The following TKT variants were observed in gnomAD, a reference collection of about 807,000 sequenced individuals.
The protein encoded by TKT is epididymis luminal protein 107.
In TKT, 47 loss-of-function variants were observed where a neutral mutation model predicts 63.9. That is an observed-to-expected ratio of 0.74 (90% CI 0.58 to 0.94). The LOEUF (loss-of-function observed/expected upper bound fraction) is 0.94, where lower values mean the gene tolerates loss of function less well. TKT is among the 40% of genes least tolerant of loss of function. The probability of loss-of-function intolerance (pLI) is 0.00; values close to 1 mark genes in which losing one functional copy is unlikely to be tolerated. For missense variants in TKT, 721 were observed against 846.2 expected, an observed-to-expected ratio of 0.85 and a Z score of 1.84; for synonymous variants, 338 against 334.1, an observed-to-expected ratio of 1.01 and a Z score of -0.13.
In TKT at chr3:53,253,081, A is replaced by C. The variant is rs534200111; in HGVS notation, c.107+2755T>G. Among the ~76,000 whole-genome samples the C allele has an allele frequency of 5.3e-5, 8 of 152,082 alleles. No homozygotes were observed. The South Asian group carries it at 1.7e-3, about 32-fold the overall frequency. The stretch of plus-strand genomic sequence containing the variant: ...GTCTCGATCTCCTGACCTTCAGGTG[A>C]TCCACTCGCCTACACCTCCCAAAGT... On this transcript the variant is annotated intron_variant, in intron 1 of 13. Transcript: ENST00000462138.
intron 2 of TKT, chr3:53,241,918 G>A (rs999668828): frequency 1.2e-5 from 7 of 577,352 alleles, no homozygotes; most frequent in Non-Finnish European, 2.2e-5. Flanking sequence ...CCATGGCAGA[G>A]CAACCCATCA....
intron 10 of TKT, chr3:53,228,761 C>T: frequency 3.4e-6 from 2 of 587,792 alleles, no homozygotes; most frequent in Non-Finnish European, 5.9e-6. Context: ...AACCGCTGGA[C>T]CGGCCAGGGC....
At chr3:53,244,223 C>G (rs528509656) in intron 1 of TKT, among the ~76,000 whole-genome samples, 44 of 152,360 alleles carry the variant, frequency 2.9e-4, no homozygotes, top group African/African-American at 7.2e-4. Context: ...ACCAAGTAAA[C>G]ACGCACAAAA....
chr3:53,240,178 T>G, intron 4 of TKT, 73 bp downstream of exon 4: 2 of 1,416,288 alleles, frequency 1.4e-6, no homozygotes. Flanking sequence ...CTGGGGGCGA[T>G]GGTGAAGGGT....
chr3:53,245,991 G>C (rs7627444), intron 1 of TKT, among the ~76,000 whole-genome samples: 71,351 of 151,982 alleles, frequency 0.47, 19,051 homozygotes, highest in Admixed American at 0.61. Context: ...AAACAGGCCG[G>C]GCACAGTGGC....
rs200391494 is a variant in TKT, at chr3:53,228,090, G to A, written c.1539C>T (p.His513=). Residue 513 remains histidine (H), a synonymous_variant, in exon 12 of 14, where the codon CAC becomes CAT. Transcript: ENST00000462138. ...VTVIGAGVTL[H]EALAAAELLK... ...GCAGTTCGGCAGCGGCCAAGGCCTC[G>A]TGCAGGGTCACCCCAGCCCCGATAA... 3.7e-6 allele frequency: 6 copies of A among 1,613,330 alleles called. No homozygotes were observed. Among genetic ancestry groups the A allele is most frequent in the African/African-American group, 2.7e-5 (2 of 74,926 alleles).
In TKT at chr3:53,233,164, C is replaced by T; in HGVS notation, c.740G>A (p.Gly247Glu). Reference sequence around the variant, plus strand: ...GGCTTGTGCATACTGACCCGTGATCCCTCGGCCCTTGAAGGTCTTGGCAAT... The same window carrying T: ...GGCTTGTGCATACTGACCCGTGATCTCTCGGCCCTTGAAGGTCTTGGCAAT... ...AIIAKTFKGR[G>E]ITGVEDKESW... The change falls in exon 6 of 14, where the codon GGG becomes GAG. Residue 247 changes from glycine (G) to glutamate (E), a missense_variant. Transcript: ENST00000462138. 6.2e-7 allele frequency: 1 copy of T among 1,613,600 alleles called. No individual in the cohort carries two copies. Among genetic ancestry groups the T allele is most frequent in the East Asian group, 2.2e-5 (1 of 44,856 alleles).
intron 1 of TKT, among the ~76,000 whole-genome samples, chr3:53,248,888 C>T (rs1705629534): frequency 6.6e-6 from 1 of 152,182 alleles, no homozygotes; most frequent in Admixed American, 6.5e-5. Context: ...TAAATCTCTG[C>T]AAATTCATTA....
intron 1 of TKT, among the ~76,000 whole-genome samples, chr3:53,242,450 G>A (rs565429190): frequency 2.6e-5 from 4 of 152,170 alleles, no homozygotes; most frequent in African/African-American, 9.7e-5. Context: ...GGGCCAGCTA[G>A]TGGGTGCTGG....
chr3:53,249,000 T>C (rs1388198668), intron 1 of TKT, among the ~76,000 whole-genome samples: 1 of 152,180 alleles, frequency 6.6e-6, no homozygotes, highest in African/African-American at 2.4e-5. Context: ...AAGTTCTCAC[T>C]CTGTCACCCA....
intron 1 of TKT, among the ~76,000 whole-genome samples, 162 bp downstream of exon 1, chr3:53,255,674 C>T (rs1205486977): frequency 6.6e-6 from 1 of 151,892 alleles, no homozygotes; most frequent in African/African-American, 2.4e-5. Flanking sequence ...GCCTGCAGCC[C>T]GGGGCCCTGC....
chr3:53,238,659 T>C (rs1373883125), intron 4 of TKT, among the ~76,000 whole-genome samples: 1 of 152,234 alleles, frequency 6.6e-6, no homozygotes, highest in Non-Finnish European at 1.5e-5. Context: ...CCACTGGCCT[T>C]CCTCCTCTAG....
chr3:53,250,298 C>T (rs988896695), intron 1 of TKT, among the ~76,000 whole-genome samples: 50 of 152,242 alleles, frequency 3.3e-4, no homozygotes, highest in Admixed American at 1.2e-3. Context: ...GGCCCTCAAG[C>T]CTTCAGCCAA....
chr3:53,234,166 CCCTT>C (rs1423713358), intron 5 of TKT: 2 of 152,340 alleles, frequency 1.3e-5, no homozygotes, highest in Non-Finnish European at 2.9e-5. Context: ...ATTATTTCCT[CCCTT>C]CCTCCTCTCC....
chr3:53,245,664 A>G (rs1362683317), intron 1 of TKT, among the ~76,000 whole-genome samples: 1 of 152,094 alleles, frequency 6.6e-6, no homozygotes, highest in South Asian at 2.1e-4. Flanking sequence ...ACATGCCTAT[A>G]ATCCCAGCTA....
At chr3:53,240,071 AGGGGGCC>A (rs1156324335) in intron 4 of TKT, among the ~76,000 whole-genome samples, 173 bp downstream of exon 4, 1 of 152,208 alleles carries the variant, frequency 6.6e-6, no homozygotes, top group Non-Finnish European at 1.5e-5. Context: ...TCATTTGTAA[AGGGGGCC>A]GGTCATGGCA....
At chr3:53,242,387 C>T in intron 1 of TKT, 145 bp from the exon 2 acceptor site, 1 of 777,178 alleles carries the variant, frequency 1.3e-6, no homozygotes, top group South Asian at 1.6e-5. Flanking sequence ...CTCTTGTTCC[C>T]TGGGAGGGTG....
intron 5 of TKT, chr3:53,234,244 C>T (rs1407215381): frequency 6.6e-6 from 1 of 152,270 alleles, no homozygotes; most frequent in Non-Finnish European, 1.5e-5. Context: ...AAGGTAACCC[C>T]AAGCATCCTG....
intron 1 of TKT, among the ~76,000 whole-genome samples, chr3:53,251,911 G>A (rs1279876434): frequency 4.6e-5 from 7 of 152,316 alleles, no homozygotes; most frequent in African/African-American, 1.2e-4. Flanking sequence ...AGGCCGAGGC[G>A]GGCGGATCAC....
Sources: allele counts gnomAD v4.1 joint callset (sites outside exome capture counted in the v4.1 genomes callset), GRCh38; gene constraint gnomAD v4.1.1; transcripts MANE v1.5; gene names NCBI Gene and HGNC (gene_info 2026-07-23, HGNC 2026-07-21).